DAW1: variants seen among roughly 807,000 people sequenced by gnomAD.
The protein encoded by DAW1 is dynein assembly factor with WD repeat domains 1.
Under a neutral mutation model 56.5 loss-of-function variants are expected in DAW1, and 47 were observed. That is an observed-to-expected ratio of 0.83 (90% CI 0.66 to 1.06). The LOEUF is 1.06. Among genes scored for constraint, DAW1 ranks in the 50% least tolerant of loss-of-function variants. DAW1 has a pLI of 0.00. For synonymous variants in DAW1, 190 were observed against 179.0 expected (o/e 1.06, Z -0.49); for missense variants, 505 against 499.3 (o/e 1.01, Z -0.11).
intron 1 of DAW1, 21 bp downstream of exon 1, chr2:227,871,750 G>A (rs752130441): frequency 1.9e-6 from 3 of 1,613,402 alleles, no homozygotes; most frequent in East Asian, 2.2e-5. Context: ...GCCCGGCCCC[G>A]TCATCCCCAC....
At chr2:227,918,160 CCATCCATCCAT>C (rs1259939656) in intron 10 of DAW1, among the ~76,000 whole-genome samples, 2 of 79,246 alleles carry the variant, frequency 2.5e-5, no homozygotes, top group East Asian at 3.2e-4. Flanking sequence ...ATCCATCCAT[CCATCCATCCAT>C]CATCCATCCA....
At chr2:227,895,746 G>A (rs1691390846) in intron 5 of DAW1, among the ~76,000 whole-genome samples, 2 of 152,308 alleles carry the variant, frequency 1.3e-5, no homozygotes, top group East Asian at 3.9e-4. Context: ...TGTCCTGTGG[G>A]ACCAAGTTGC....
At chr2:227,907,964 A>T (rs182008032) in intron 10 of DAW1, among the ~76,000 whole-genome samples, 82 of 152,310 alleles carry the variant, frequency 5.4e-4, no homozygotes, top group African/African-American at 1.9e-3. Flanking sequence ...TGTCTACTGC[A>T]TCTTTGTGAT....
At chr2:227,921,291 T>G in intron 11 of DAW1, 108 bp from the exon 12 acceptor site, 1 of 1,173,990 alleles carries the variant, frequency 8.5e-7, no homozygotes, top group Non-Finnish European at 1.2e-6. Context: ...GAAGGTGACA[T>G]GTGCTGTAAT....
chr2:227,877,038 T>C (rs1463903684), intron 1 of DAW1, among the ~76,000 whole-genome samples: 1 of 152,220 alleles, frequency 6.6e-6, no homozygotes, highest in Non-Finnish European at 1.5e-5. Context: ...CTGAAAAATT[T>C]GAGGAATAGA....
At chr2:227,904,712 C>A (rs1691635171) in intron 7 of DAW1, among the ~76,000 whole-genome samples, 1 of 152,048 alleles carries the variant, frequency 6.6e-6, no homozygotes, top group Admixed American at 6.6e-5. Context: ...CAGTATTGTG[C>A]AGCCATTACC....
At position 227,890,017 on chromosome 2, in the gene DAW1, C is replaced by T. The variant is rs750355374; in HGVS notation, c.258+17C>T. The T allele has an allele frequency of 2.0e-6, 3 of 1,505,604 alleles. No individual in the cohort carries two copies. In the Admixed American group the frequency reaches 7.3e-5, roughly 37 times the overall value. The allele number at this position is 1,505,604 out of a possible 1,614,324, so 93.3% of individuals were successfully genotyped here. On this transcript the variant is annotated intron_variant, in intron 3 of 12. Transcript: ENST00000309931. ...CTTTTTAAGGTAATGGATTTAAAAA[C>T]AATCAGATAGAAGAATTTCAGTGAA...
At chr2:227,893,235 A>T (rs1426590612) in intron 4 of DAW1, among the ~76,000 whole-genome samples, 1 of 142,344 alleles carries the variant, frequency 7.0e-6, no homozygotes, top group East Asian at 2.2e-4. Flanking sequence ...GCACCACTGC[A>T]CTCCAGCCTG....
intron 10 of DAW1, among the ~76,000 whole-genome samples, chr2:227,916,287 A>G (rs559942579): frequency 1.4e-3 from 208 of 152,282 alleles, no homozygotes; most frequent in African/African-American, 4.6e-3. Context: ...GCATGATATT[A>G]TGAGTAATCT....
At position 227,906,232 on chromosome 2, in the gene DAW1, G is replaced by A; in HGVS notation, c.756-4G>A. 1.2e-6 allele frequency: 2 copies of A among 1,603,008 alleles called. No homozygotes were observed. Among genetic ancestry groups the A allele is most frequent in the Non-Finnish European group, 1.7e-6 (2 of 1,172,912 alleles). On this transcript the variant is annotated splice_polypyrimidine_tract_variant and splice_region_variant and intron_variant, in intron 8 of 12. Transcript: ENST00000309931. ...CACTAGTTTTAATTATTTTTGTGTT[G>A]TAGGAAGGTAAATATCTTAATTGGT...
intron 10 of DAW1, 100 bp from the exon 11 acceptor site, chr2:227,918,680 T>G (rs1484190523): frequency 1.6e-6 from 2 of 1,270,436 alleles, no homozygotes; most frequent in African/African-American, 3.0e-5. Flanking sequence ...AGCACAGAGC[T>G]CGTGTGTCAG....
chr2:227,911,254 A>G (rs1291078025), intron 10 of DAW1, among the ~76,000 whole-genome samples: 12 of 147,402 alleles, frequency 8.1e-5, no homozygotes, highest in Admixed American at 6.8e-4. Flanking sequence ...ATACATATAT[A>G]CACGTGTATA....
chr2:227,885,711 C>A (rs1260823662), intron 2 of DAW1, among the ~76,000 whole-genome samples: 1 of 152,076 alleles, frequency 6.6e-6, no homozygotes, highest in Non-Finnish European at 1.5e-5. Context: ...AGTTTCCACA[C>A]CCCGATTCCC....
At chr2:227,883,634 G>A (rs180996027) in intron 1 of DAW1, among the ~76,000 whole-genome samples, 34 of 152,240 alleles carry the variant, frequency 2.2e-4, no homozygotes, top group Non-Finnish European at 2.8e-4. Flanking sequence ...TTTCAACTAT[G>A]TATCAGTGTC....
chr2:227,911,988 A>C (rs1691837211), intron 10 of DAW1, among the ~76,000 whole-genome samples: 1 of 152,080 alleles, frequency 6.6e-6, no homozygotes, highest in African/African-American at 2.4e-5. Context: ...CATCTTTCTC[A>C]TGACCATATA....
chr2:227,918,904 A>G (rs768333494), intron 11 of DAW1, 48 bp downstream of exon 11: 33 of 1,590,384 alleles, frequency 2.1e-5, no homozygotes, highest in Non-Finnish European at 2.8e-5. Context: ...TCAAAAAATA[A>G]AGAGCAGGGC....
intron 4 of DAW1, among the ~76,000 whole-genome samples, chr2:227,892,756 A>T (rs939861925): frequency 3.9e-5 from 6 of 152,128 alleles, no homozygotes; most frequent in African/African-American, 1.4e-4. Flanking sequence ...TGACATTCAG[A>T]CTGGCTTTTC....
At chr2:227,874,567 A>G (rs1490702578) in intron 1 of DAW1, among the ~76,000 whole-genome samples, 4 of 151,552 alleles carry the variant, frequency 2.6e-5, no homozygotes, top group African/African-American at 7.3e-5. Flanking sequence ...CACATATTCT[A>G]TTTTCCTTCC....
intron 8 of DAW1, among the ~76,000 whole-genome samples, chr2:227,905,848 G>A (rs34992008): frequency 0.4 from 60,438 of 151,862 alleles, 12,148 homozygotes; most frequent in Middle Eastern, 0.56. Context: ...TCCGCTTCCT[G>A]GGTTCACGCC....
Sources: gnomAD v4.1 joint callset for allele counts (sites outside exome capture counted in the v4.1 genomes callset) on GRCh38, gnomAD v4.1.1 for gene constraint, MANE v1.5 for transcripts, NCBI Gene and HGNC (gene_info 2026-07-23, HGNC 2026-07-21) for gene names.